EFHC2: variants seen among roughly 807,000 people sequenced by gnomAD.
The protein encoded by EFHC2 is EF-hand domain-containing family member C2.
EFHC2 carries 18 observed loss-of-function variants against 52.7 expected under a neutral mutation model. The ratio of observed to expected loss-of-function variants is 0.34; its 90% CI spans 0.24 to 0.51. EFHC2 has a LOEUF of 0.51. Among genes scored for constraint, EFHC2 ranks in the 20% least tolerant of loss-of-function variants. EFHC2 has a pLI of 0.97. For synonymous variants in EFHC2, 203 were observed against 204.1 expected, an observed-to-expected ratio of 0.99 and a Z score of 0.04; for missense variants, 513 against 562.5, an observed-to-expected ratio of 0.91 and a Z score of 0.89.
rs937965089 is a variant in EFHC2 at position 44,326,148 on chromosome X, C to A, written c.43-13392G>T. Reference sequence around the variant, plus strand: ...GGCTCAAGTGATCTGCTCACCTCAGCCTCCCAAAGTGCTGGGATTACAGAC... The same window carrying A: ...GGCTCAAGTGATCTGCTCACCTCAGACTCCCAAAGTGCTGGGATTACAGAC... On this transcript the variant is annotated intron_variant, in intron 1 of 14. Transcript: ENST00000420999. Among the ~76,000 whole-genome samples the A allele has an allele frequency of 5.5e-5, 6 of 109,989 alleles. No homozygotes were observed. In the Admixed American group the frequency reaches 5.9e-4, roughly 11 times the overall value.
chrX:44,179,171 C>A (rs1215195839), intron 11 of EFHC2, among the ~76,000 whole-genome samples: 2 of 108,216 alleles, frequency 1.8e-5, no homozygotes, highest in African/African-American at 6.7e-5. Flanking sequence ...TTAGGCAGAG[C>A]TAAAAAAAAA....
Position 44,242,105 on chromosome X carries a change from T to C in EFHC2, c.1280+16A>G, listed in dbSNP as rs377498128. On this transcript the variant is annotated intron_variant, in intron 8 of 14. Transcript: ENST00000420999. The stretch of plus-strand genomic sequence containing the variant: ...TTTGGGAAAGATCAGACTAAAATCA[T>C]GGTTCCCTCAAGCACCTGTCTTTTT... The C allele has an allele frequency of 6.4e-4, 743 of 1,168,743 alleles. No individual in the cohort carries two copies. The highest frequency in any genetic ancestry group is 8.1e-4 in the Non-Finnish European group (709 of 876,320).
chrX:44,321,529 A>G (rs2038020390), intron 1 of EFHC2, among the ~76,000 whole-genome samples: 1 of 111,826 alleles, frequency 8.9e-6, no homozygotes, highest in East Asian at 2.8e-4. Context: ...AAAATATCCC[A>G]ATGTTACGTG....
intron 2 of EFHC2, among the ~76,000 whole-genome samples, chrX:44,299,136 A>T (rs765677537): frequency 1.8e-5 from 2 of 110,853 alleles, no homozygotes; most frequent in East Asian, 5.7e-4. Context: ...GGTTTAGTTA[A>T]TAGTATTATA....
intron 11 of EFHC2, among the ~76,000 whole-genome samples, chrX:44,215,440 T>C (rs1341632342): frequency 9.3e-6 from 1 of 108,107 alleles, no homozygotes; most frequent in Non-Finnish European, 1.9e-5. Flanking sequence ...AAAAAAATGA[T>C]AGTTTCTTAC....
intron 3 of EFHC2, among the ~76,000 whole-genome samples, chrX:44,271,662 C>T (rs950728495): frequency 7.2e-5 from 8 of 110,612 alleles, no homozygotes; most frequent in African/African-American, 2.3e-4. Flanking sequence ...TCTATCTACA[C>T]GAGGGAACAA....
chrX:44,183,382 G>A (rs192720223), intron 11 of EFHC2, among the ~76,000 whole-genome samples: 1 of 112,065 alleles, frequency 8.9e-6, no homozygotes, highest in African/African-American at 3.2e-5. Context: ...GTGGGCCTAA[G>A]CTGCCCATAC....
intron 1 of EFHC2, among the ~76,000 whole-genome samples, chrX:44,314,618 T>A (rs1234860347): frequency 9.0e-6 from 1 of 111,126 alleles, no homozygotes; most frequent in African/African-American, 3.3e-5. Context: ...TCTCTCTCTC[T>A]CACACATACA....
At chrX:44,275,959 A>C (rs750218050) in intron 2 of EFHC2, among the ~76,000 whole-genome samples, 1 of 109,852 alleles carries the variant, frequency 9.1e-6, no homozygotes, top group Non-Finnish European at 1.9e-5. Flanking sequence ...TAGAGGATGT[A>C]ATTGGCTGCA....
chrX:44,187,908 A>G (rs1429854082), intron 11 of EFHC2, among the ~76,000 whole-genome samples: 1 of 110,727 alleles, frequency 9.0e-6, no homozygotes, highest in Non-Finnish European at 1.9e-5. Context: ...CAGCAATGGA[A>G]TATCCTTTCA....
At chrX:44,201,486 T>C (rs1053247910) in intron 11 of EFHC2, among the ~76,000 whole-genome samples, 3 of 111,994 alleles carry the variant, frequency 2.7e-5, no homozygotes, top group Non-Finnish European at 3.8e-5. Flanking sequence ...AAAACAACTC[T>C]AGTAAAATTG....
At chrX:44,314,225 A>C (rs915574560) in intron 1 of EFHC2, among the ~76,000 whole-genome samples, 1 of 112,235 alleles carries the variant, frequency 8.9e-6, no homozygotes, top group African/African-American at 3.2e-5. Context: ...TTTATCTCAG[A>C]GCTCATAGCC....
intron 11 of EFHC2, among the ~76,000 whole-genome samples, chrX:44,194,375 A>G (rs2036945880): frequency 9.0e-6 from 1 of 111,670 alleles, no homozygotes; most frequent in Non-Finnish European, 1.9e-5. Flanking sequence ...ACGTTTTGAC[A>G]GTGGCTGGAA....
chrX:44,263,738 T>C (rs775018248), intron 3 of EFHC2, among the ~76,000 whole-genome samples: 26 of 112,392 alleles, frequency 2.3e-4, no homozygotes, highest in Admixed American at 1.4e-3. Context: ...CATTATATAC[T>C]ACTTTAAAAA....
intron 1 of EFHC2, among the ~76,000 whole-genome samples, chrX:44,332,400 A>C (rs1194601364): frequency 9.0e-6 from 1 of 110,874 alleles, no homozygotes; most frequent in East Asian, 2.8e-4. Flanking sequence ...ACCATTAGGA[A>C]AGCAAAGAAT....
At chrX:44,150,750 A>T (rs1239959412) in intron 14 of EFHC2, among the ~76,000 whole-genome samples, 1 of 111,651 alleles carries the variant, frequency 9.0e-6, no homozygotes, top group African/African-American at 3.3e-5. Flanking sequence ...GAAGGGGATC[A>T]ACTTGAAATG....
intron 2 of EFHC2, among the ~76,000 whole-genome samples, chrX:44,286,666 G>C (rs893476583): frequency 8.1e-5 from 9 of 111,045 alleles, no homozygotes; most frequent in African/African-American, 3.0e-4. Context: ...TTTTAAAAGT[G>C]AGGTAGGTGA....
At chrX:44,211,414 T>C (rs1487468029) in intron 11 of EFHC2, among the ~76,000 whole-genome samples, 1 of 110,338 alleles carries the variant, frequency 9.1e-6, no homozygotes. Flanking sequence ...TGTAGTTCCA[T>C]CTACTTGGGA....
intron 11 of EFHC2, among the ~76,000 whole-genome samples, chrX:44,211,586 G>C (rs1052958774): frequency 9.1e-6 from 1 of 109,826 alleles, no homozygotes; most frequent in Non-Finnish European, 1.9e-5. Flanking sequence ...GATTGGCCGG[G>C]CTCAGTGGCT....
Sources: allele counts gnomAD v4.1 joint callset (sites outside exome capture counted in the v4.1 genomes callset), GRCh38; gene constraint gnomAD v4.1.1; transcripts MANE v1.5; gene names NCBI Gene and HGNC (gene_info 2026-07-23, HGNC 2026-07-21).